GABRB1: variants seen among roughly 807,000 people sequenced by gnomAD.
GABRB1 encodes the protein gamma-aminobutyric acid receptor subunit beta-1.
Under a neutral mutation model 51.6 loss-of-function variants are expected in GABRB1, and 17 were observed. That is an observed-to-expected ratio of 0.33 (90% CI 0.23 to 0.49). The LOEUF is 0.49. Ranked by LOEUF, GABRB1 falls within the 20% of genes least tolerant of loss-of-function variation. The pLI is 0.99. For synonymous variants in GABRB1, 247 were observed against 218.9 expected (o/e 1.13, Z -1.14); for missense variants, 410 against 600.6 (o/e 0.68, Z 3.32).
At chr4:47,092,234 A>G (rs2109588416) in intron 3 of GABRB1, among the ~76,000 whole-genome samples, 1 of 126,856 alleles carries the variant, frequency 7.9e-6, no homozygotes, top group African/African-American at 3.1e-5. Flanking sequence ...GTGCAATGGC[A>G]TGATCTCGGC....
chr4:47,263,102 G>A (rs1722508697), intron 4 of GABRB1, among the ~76,000 whole-genome samples: 1 of 150,968 alleles, frequency 6.6e-6, no homozygotes, highest in Admixed American at 6.6e-5. Flanking sequence ...TAAATGATGA[G>A]TTAATGGGTG....
intron 3 of GABRB1, among the ~76,000 whole-genome samples, chr4:47,070,630 C>A (rs916645807): frequency 3.0e-4 from 46 of 152,082 alleles, no homozygotes; most frequent in African/African-American, 9.4e-4. Context: ...CCGCGCCCGG[C>A]CTGCACTTGC....
intron 4 of GABRB1, among the ~76,000 whole-genome samples, chr4:47,213,620 G>GC (rs1720448399): frequency 6.6e-6 from 1 of 151,942 alleles, no homozygotes; most frequent in Non-Finnish European, 1.5e-5. Flanking sequence ...TTTAACTCCA[G>GC]CTGGGGGGTT....
intron 3 of GABRB1, among the ~76,000 whole-genome samples, chr4:47,065,051 A>G (rs1398978805): frequency 6.6e-6 from 1 of 152,204 alleles, no homozygotes; most frequent in Non-Finnish European, 1.5e-5. Context: ...TGGCAGTACA[A>G]GGAGAGATTT....
At chr4:47,193,793 G>A (rs1719541332) in intron 4 of GABRB1, among the ~76,000 whole-genome samples, 1 of 152,094 alleles carries the variant, frequency 6.6e-6, no homozygotes, top group Non-Finnish European at 1.5e-5. Context: ...GGATTTAAAG[G>A]TAAATTAACC....
chr4:47,210,218 T>C (rs1720301423), intron 4 of GABRB1, among the ~76,000 whole-genome samples: 1 of 152,136 alleles, frequency 6.6e-6, no homozygotes, highest in Admixed American at 6.6e-5. Context: ...TATTAAACAT[T>C]ATGTGCTCCA....
chr4:47,210,681 A>T (rs975035463), intron 4 of GABRB1, among the ~76,000 whole-genome samples: 4 of 152,184 alleles, frequency 2.6e-5, no homozygotes, highest in African/African-American at 9.7e-5. Context: ...TATAGTATTC[A>T]TTCATTCAAT....
intron 5 of GABRB1, among the ~76,000 whole-genome samples, chr4:47,377,283 G>T (rs1454244662): frequency 6.6e-6 from 1 of 152,130 alleles, no homozygotes; most frequent in African/African-American, 2.4e-5. Context: ...AGCTGGGATT[G>T]TGTCCGGAAT....
chr4:47,157,241 C>T (rs1717748456), intron 3 of GABRB1, among the ~76,000 whole-genome samples: 1 of 152,064 alleles, frequency 6.6e-6, no homozygotes, highest in South Asian at 2.1e-4. Context: ...CTTGTAAACT[C>T]ACCTAGAAGG....
chr4:47,226,663 C>T (rs1720953351), intron 4 of GABRB1, among the ~76,000 whole-genome samples: 1 of 152,092 alleles, frequency 6.6e-6, no homozygotes, highest in African/African-American at 2.4e-5. Flanking sequence ...CCCTTGAGGA[C>T]TACCTTTCTT....
At position 47,066,235 on chromosome 4, in the gene GABRB1, C is replaced by A. The variant is rs538533553; in HGVS notation, c.240+33751C>A. 5.9e-5 allele frequency among the ~76,000 whole-genome samples: 9 copies of A among 152,224 alleles called. No homozygotes were observed. In the South Asian group the frequency reaches 1.9e-3, roughly 32 times the overall value. On this transcript the variant is annotated intron_variant, in intron 3 of 8. Coordinates refer to ENST00000295454, the MANE Select transcript of GABRB1 (RefSeq NM_000812.4). ...TATGTCTATAAAACAATGCATGTAC[C>A]TTAATTTAAAATACTTTATTACTAA...
chr4:47,357,752 G>A (rs1726641334), intron 5 of GABRB1, among the ~76,000 whole-genome samples: 1 of 152,132 alleles, frequency 6.6e-6, no homozygotes, highest in Admixed American at 6.6e-5. Context: ...CAGTTCTACA[G>A]CATTTATTTT....
At chr4:47,358,964 G>A (rs1254259616) in intron 5 of GABRB1, among the ~76,000 whole-genome samples, 1 of 152,032 alleles carries the variant, frequency 6.6e-6, no homozygotes, top group African/African-American at 2.4e-5. Context: ...TGGAAGCCAA[G>A]GTCTCCTGTA....
At chr4:47,095,166 T>A (rs1577903447) in intron 3 of GABRB1, among the ~76,000 whole-genome samples, 2 of 152,034 alleles carry the variant, frequency 1.3e-5, no homozygotes, top group South Asian at 4.2e-4. Flanking sequence ...TTTAACAGAT[T>A]TTACATAAAA....
chr4:47,421,843 G>A (rs1278610157), intron 8 of GABRB1, among the ~76,000 whole-genome samples: 3 of 151,976 alleles, frequency 2.0e-5, no homozygotes, highest in Non-Finnish European at 2.9e-5. Flanking sequence ...TCTCTAAGGA[G>A]GTAATGATCT....
intron 3 of GABRB1, among the ~76,000 whole-genome samples, chr4:47,039,546 A>C (rs755726678): frequency 2.0e-5 from 3 of 152,078 alleles, no homozygotes; most frequent in Non-Finnish European, 2.9e-5. Context: ...AAACATCCAT[A>C]GTTATCTTGG....
chr4:47,239,602 A>G (rs765079269), intron 4 of GABRB1, among the ~76,000 whole-genome samples: 1 of 152,216 alleles, frequency 6.6e-6, no homozygotes, highest in Non-Finnish European at 1.5e-5. Context: ...CGAGAAACAG[A>G]ACTTAGTAAA....
At chr4:47,370,122 A>C (rs12642873) in intron 5 of GABRB1, among the ~76,000 whole-genome samples, 41,601 of 152,042 alleles carry the variant, frequency 0.27, 6,526 homozygotes, top group East Asian at 0.72. Flanking sequence ...AAATAATTTT[A>C]TTTTTCTCAT....
At chr4:47,332,637 G>C (rs1725527283) in intron 5 of GABRB1, among the ~76,000 whole-genome samples, 1 of 152,088 alleles carries the variant, frequency 6.6e-6, no homozygotes, top group Non-Finnish European at 1.5e-5. Flanking sequence ...TGGAAGGTGG[G>C]TCCTAGCACA....
Sources: allele counts gnomAD v4.1 joint callset (sites outside exome capture counted in the v4.1 genomes callset), GRCh38; gene constraint gnomAD v4.1.1; transcripts MANE v1.5; gene names NCBI Gene and HGNC (gene_info 2026-07-23, HGNC 2026-07-21).